ITPK1: variants seen among roughly 807,000 people sequenced by gnomAD.
ITPK1 encodes inositol 1,3,4-trisphosphate 5/6-kinase.
Under a neutral mutation model 45.3 loss-of-function variants are expected in ITPK1, and 21 were observed. The observed-to-expected ratio is 0.46, with a 90% CI of 0.33 to 0.67. The LOEUF (loss-of-function observed/expected upper bound fraction) is 0.67, where lower values mean the gene tolerates loss of function less well. ITPK1 is among the 30% of genes least tolerant of loss of function. ITPK1 has a pLI of 0.02. For synonymous variants in ITPK1, 258 were observed against 253.6 expected (o/e 1.02, Z -0.16); for missense variants, 474 against 573.5 (o/e 0.83, Z 1.77).
At chr14:93,098,241 G>C (rs758419214) in intron 2 of ITPK1, among the ~76,000 whole-genome samples, 1 of 152,114 alleles carries the variant, frequency 6.6e-6, no homozygotes, top group Non-Finnish European at 1.5e-5. Context: ...CAGATCACGA[G>C]GTCAGGAGAT....
chr14:92,944,421 C>G (rs1887581996), intron 10 of ITPK1, among the ~76,000 whole-genome samples: 1 of 152,112 alleles, frequency 6.6e-6, no homozygotes, highest in African/African-American at 2.4e-5. Context: ...CTTGGCTTCT[C>G]TGGAAGAACC....
chr14:93,028,193 G>A (rs1888843971), intron 3 of ITPK1, among the ~76,000 whole-genome samples: 1 of 152,364 alleles, frequency 6.6e-6, no homozygotes, highest in Non-Finnish European at 1.5e-5. Flanking sequence ...TCAAGTGTAT[G>A]ATGAACAGCG....
rs1041209788 is a variant in ITPK1, at chr14:92,942,023, G to A, written c.902-119C>T. 7.2e-5 allele frequency: 63 copies of A among 875,044 alleles called. 1 individual carries two copies. The highest frequency in any genetic ancestry group is 2.1e-4 in the Admixed American group (8 of 37,572). The allele number at this position is 875,044 out of a possible 1,614,324, so 54.2% of individuals were successfully genotyped here. A position where few individuals can be genotyped will look rare whatever the true frequency, so the allele number is the denominator to read the frequency against. On this transcript the variant is annotated intron_variant, in intron 10 of 10. Coordinates refer to ENST00000267615, the MANE Select transcript of ITPK1 (RefSeq NM_014216.6). ...GGATGAGGCAGGGTGTGCTGTCAGC[G>A]TCCCATTTACAGAGAAAACGTGAGG...
intron 5 of ITPK1, among the ~76,000 whole-genome samples, chr14:92,977,638 G>A (rs531476375): frequency 2.0e-5 from 3 of 150,148 alleles, no homozygotes; most frequent in African/African-American, 5.1e-5. Context: ...TCGAGATCTG[G>A]TTGCTTAAAA....
At chr14:93,094,066 G>A (rs1348224018) in intron 2 of ITPK1, among the ~76,000 whole-genome samples, 4 of 152,202 alleles carry the variant, frequency 2.6e-5, no homozygotes, top group Non-Finnish European at 4.4e-5. Context: ...GAGAAGGGAG[G>A]GTCTGGGGGC....
At chr14:92,975,970 C>T (rs1885919365) in intron 5 of ITPK1, among the ~76,000 whole-genome samples, 1 of 152,218 alleles carries the variant, frequency 6.6e-6, no homozygotes. Flanking sequence ...CCCCATGCTC[C>T]CCTGCTTCAT....
At chr14:93,007,552 G>A (rs184271957) in intron 4 of ITPK1, among the ~76,000 whole-genome samples, 89 of 152,308 alleles carry the variant, frequency 5.8e-4, no homozygotes, top group East Asian at 1.9e-4. Context: ...CACAGTTTGC[G>A]GTGGTGCTGC....
intron 4 of ITPK1, among the ~76,000 whole-genome samples, chr14:93,004,566 G>A (rs1056155438): frequency 6.6e-6 from 1 of 151,960 alleles, no homozygotes; most frequent in Non-Finnish European, 1.5e-5. Context: ...GTGTGTGTAT[G>A]AGTGTGAGAG....
Position 93,088,339 on chromosome 14 carries a change from TTG to T in ITPK1, c.96-11722_96-11721del, listed in dbSNP as rs1325143383. Among the ~76,000 whole-genome samples the T allele has an allele frequency of 1.3e-3, 191 of 146,924 alleles. 3 individuals carry two copies. The highest frequency in any genetic ancestry group is 4.7e-3 in the African/African-American group (179 of 38,304). On this transcript the variant is annotated intron_variant, in intron 2 of 10. Coordinates refer to ENST00000267615, the MANE Select transcript of ITPK1 (RefSeq NM_014216.6). ...GCATCTTTTCTTTTTTGGTTTTGTT[TTG>T]TTTTTTTTTTTTTTTTGAGACAGGG...
chr14:93,006,783 C>A (rs1887636074), intron 4 of ITPK1, among the ~76,000 whole-genome samples: 1 of 152,186 alleles, frequency 6.6e-6, no homozygotes, highest in Non-Finnish European at 1.5e-5. Flanking sequence ...GAGGAGAGGG[C>A]TGGAAGGAAA....
rs536898177 is a variant in ITPK1 at position 93,006,260 on chromosome 14, G to A, written c.246+10416C>T. On this transcript the variant is annotated intron_variant, in intron 4 of 10. Coordinates refer to ENST00000267615, the MANE Select transcript of ITPK1 (RefSeq NM_014216.6). ...GGGTAGGGGAAACGCTGGAGCCCTGGGAAGGGCTGGGGAAGCTTCCCTGGA... is the reference window on the plus strand; with the variant it reads ...GGGTAGGGGAAACGCTGGAGCCCTGAGAAGGGCTGGGGAAGCTTCCCTGGA... 1.1e-4 allele frequency among the ~76,000 whole-genome samples: 16 copies of A among 152,334 alleles called. 1 individual carries two copies. The South Asian group carries it at 3.3e-3, about 32-fold the overall frequency.
chr14:93,054,164 T>A (rs945159587), intron 3 of ITPK1, among the ~76,000 whole-genome samples: 4 of 152,238 alleles, frequency 2.6e-5, no homozygotes, highest in Non-Finnish European at 5.9e-5. Context: ...GAGTCCCCAC[T>A]TCTAGCAAGT....
At chr14:93,003,788 G>A (rs7146858) in intron 4 of ITPK1, among the ~76,000 whole-genome samples, 8,517 of 152,236 alleles carry the variant, frequency 0.056, 819 homozygotes, top group African/African-American at 0.2. Flanking sequence ...CGAGCGCGTG[G>A]GTCCTGGGGC....
chr14:93,042,519 C>T (rs1414457338), intron 3 of ITPK1, among the ~76,000 whole-genome samples: 2 of 152,146 alleles, frequency 1.3e-5, no homozygotes, highest in East Asian at 1.9e-4. Flanking sequence ...CCCCTAACAG[C>T]GACAGGGCTG....
Position 92,993,472 on chromosome 14 carries a change from A to G in ITPK1, c.364+408T>C, listed in dbSNP as rs150967018. On this transcript the variant is annotated intron_variant, in intron 5 of 10. Transcript: ENST00000267615. ...TGGACCCATGAGGTCCAGCAGCCACATTACATCTCCACGTGTTTGATTAAA... is the reference window on the plus strand; with the variant it reads ...TGGACCCATGAGGTCCAGCAGCCACGTTACATCTCCACGTGTTTGATTAAA... 6.3e-3 allele frequency among the ~76,000 whole-genome samples: 962 copies of G among 152,212 alleles called. 12 individuals carry two copies. Among genetic ancestry groups the G allele is most frequent in the African/African-American group, 0.022 (902 of 41,534 alleles).
intron 2 of ITPK1, among the ~76,000 whole-genome samples, chr14:93,082,986 C>T (rs964290019): frequency 3.9e-5 from 6 of 152,206 alleles, no homozygotes; most frequent in African/African-American, 4.8e-5. Context: ...TGTCGCTGGC[C>T]GCTGAGCAGC....
At chr14:93,037,889 T>C (rs2139904402) in intron 3 of ITPK1, among the ~76,000 whole-genome samples, 1 of 152,314 alleles carries the variant, frequency 6.6e-6, no homozygotes, top group East Asian at 1.9e-4. Flanking sequence ...GATCGAAAAA[T>C]TTTAACTTAA....
intron 3 of ITPK1, among the ~76,000 whole-genome samples, chr14:93,056,835 A>C (rs1890233839): frequency 6.6e-6 from 1 of 152,260 alleles, no homozygotes; most frequent in Admixed American, 6.5e-5. Context: ...TGAGAAATTA[A>C]AAATTCAACT....
chr14:93,037,883 G>A (rs965064044), intron 3 of ITPK1, among the ~76,000 whole-genome samples: 1 of 152,130 alleles, frequency 6.6e-6, no homozygotes, highest in Admixed American at 6.6e-5. Flanking sequence ...CTCAGGGATC[G>A]AAAAATTTTA....
Sources: allele counts gnomAD v4.1 joint callset (sites outside exome capture counted in the v4.1 genomes callset), GRCh38; gene constraint gnomAD v4.1.1; transcripts MANE v1.5; gene names NCBI Gene and HGNC (gene_info 2026-07-23, HGNC 2026-07-21).